MAP2K5: variants seen among roughly 807,000 people sequenced by gnomAD.
MAP2K5 encodes the protein mitogen-activated protein kinase kinase 5.
A neutral mutation model predicts 83.1 loss-of-function variants in MAP2K5; 49 were observed. The observed-to-expected ratio is 0.59, with a 90% CI of 0.47 to 0.75. The LOEUF is 0.75. Among genes scored for constraint, MAP2K5 ranks in the 30% least tolerant of loss-of-function variants. MAP2K5 has a pLI of 0.00. For synonymous variants in MAP2K5, 202 were observed against 191.8 expected, an observed-to-expected ratio of 1.05 and a Z score of -0.44; for missense variants, 457 against 557.5, an observed-to-expected ratio of 0.82 and a Z score of 1.82.
intron 7 of MAP2K5, among the ~76,000 whole-genome samples, chr15:67,600,320 A>G (rs1333618050): frequency 2.6e-5 from 4 of 152,062 alleles, no homozygotes; most frequent in Non-Finnish European, 5.9e-5. Flanking sequence ...TGTCTTCCTA[A>G]GTTTGACTTT....
At position 67,628,045 on chromosome 15, in the gene MAP2K5, A is replaced by C. The variant is rs2086367542; in HGVS notation, c.546-2843A>C. The C allele has an allele frequency of 5.5e-6, 4 of 727,794 alleles. No individual in the cohort carries two copies. In the Admixed American group the frequency reaches 7.1e-5, roughly 13 times the overall value. The allele number at this position is 727,794 out of a possible 1,614,324, so 45.1% of individuals were successfully genotyped here. ...GGGTTTGTCACATATGCCCCTGTGGAGGCAGTGGATGCAGCCATGAATGCA... is the reference window on the plus strand; with the variant it reads ...GGGTTTGTCACATATGCCCCTGTGGCGGCAGTGGATGCAGCCATGAATGCA... On this transcript the variant is annotated intron_variant, in intron 8 of 21. Coordinates refer to ENST00000178640, the MANE Select transcript of MAP2K5 (RefSeq NM_145160.3).
chr15:67,804,656 T>C (rs2090766416), intron 21 of MAP2K5, among the ~76,000 whole-genome samples: 1 of 152,162 alleles, frequency 6.6e-6, no homozygotes, highest in African/African-American at 2.4e-5. Context: ...ATAACAGAGA[T>C]GGAGCATATG....
In MAP2K5 at chr15:67,652,897, G is replaced by A. The variant is rs1405340868; in HGVS notation, c.737-5656G>A. Among the ~76,000 whole-genome samples, 2 of 152,142 alleles carry A rather than the reference G, an allele frequency of 1.3e-5. No individual in the cohort carries two copies. Among genetic ancestry groups the A allele is most frequent in the Non-Finnish European group, 2.9e-5 (2 of 68,034 alleles). Reference sequence around the variant, plus strand: ...GGAATCACACAGTATTTGTCTTATTGTGTCTGGCTTATTTCATTTTGCATT... The same window carrying A: ...GGAATCACACAGTATTTGTCTTATTATGTCTGGCTTATTTCATTTTGCATT... On this transcript the variant is annotated intron_variant, in intron 11 of 21. Coordinates refer to ENST00000178640, the MANE Select transcript of MAP2K5 (RefSeq NM_145160.3). The surrounding 1 kb of genome is among the most constrained non-coding windows in gnomAD (Gnocchi z 4.2).
intron 21 of MAP2K5, among the ~76,000 whole-genome samples, chr15:67,784,129 C>T (rs1189765727): frequency 1.3e-5 from 2 of 152,192 alleles, no homozygotes; most frequent in African/African-American, 4.8e-5. Flanking sequence ...TCTAAGTTAT[C>T]TCATTTGACC....
intron 11 of MAP2K5, among the ~76,000 whole-genome samples, chr15:67,648,158 C>T (rs1596718297): frequency 1.3e-5 from 2 of 152,154 alleles, no homozygotes; most frequent in South Asian, 4.1e-4. Flanking sequence ...GTAGTCATCA[C>T]CACTGTATAA....
At chr15:67,588,144 A>G in intron 6 of MAP2K5, 4 of 981,404 alleles carry the variant, frequency 4.1e-6, no homozygotes, top group Non-Finnish European at 4.8e-6. Flanking sequence ...TGAGCAGTGA[A>G]GAGCCCTTCA....
In MAP2K5 at chr15:67,781,413, G is replaced by A. The variant is rs572860040; in HGVS notation, c.1242+8661G>A. Among the ~76,000 whole-genome samples, 3 of 152,214 alleles carry A rather than the reference G, an allele frequency of 2.0e-5. No individual in the cohort carries two copies. The highest frequency in any genetic ancestry group is 1.9e-4 in the East Asian group (1 of 5,182). ...TGGGGATTGTGAGTCTTGTGGTTTC[G>A]GATACAGAGTTATTTGGGGGGCCAA... On this transcript the variant is annotated intron_variant, in intron 21 of 21. Transcript: ENST00000178640. The surrounding 1 kb of genome is among the most constrained non-coding windows in gnomAD (Gnocchi z 4.0).
Position 67,720,369 on chromosome 15 carries a change from C to G in MAP2K5, c.1045-7547C>G, listed in dbSNP as rs1407946031. 6.6e-6 allele frequency among the ~76,000 whole-genome samples: 1 copy of G among 151,884 alleles called. No homozygotes were observed. Among genetic ancestry groups the G allele is most frequent in the Non-Finnish European group, 1.5e-5 (1 of 67,988 alleles). On this transcript the variant is annotated intron_variant, in intron 16 of 21. Transcript: ENST00000178640. This position sits in a 1 kb window ranked among gnomAD's most constrained non-coding sequence, Gnocchi z 5.7. ...ATATCTATATATATACACACTTACA[C>G]ACACACAAGGAAAAAAAGAAAATGA...
At chr15:67,797,213 G>T (rs552127406) in intron 21 of MAP2K5, among the ~76,000 whole-genome samples, 1 of 152,300 alleles carries the variant, frequency 6.6e-6, no homozygotes, top group Non-Finnish European at 1.5e-5. Context: ...CTTGTTTTTA[G>T]ATCTTAAAAA....
Position 67,637,179 on chromosome 15 carries a change from C to T in MAP2K5, c.585+6252C>T, listed in dbSNP as rs910966429. Among the ~76,000 whole-genome samples, 2 of 152,182 alleles carry T rather than the reference C, an allele frequency of 1.3e-5. No individual in the cohort carries two copies. The highest frequency in any genetic ancestry group is 2.9e-5 in the Non-Finnish European group (2 of 68,034). ...TTTCAGACTTGGACTGGCTTCCTTG[C>T]TCCTCAGCTTGCAGATGGCCTATTG... On this transcript the variant is annotated intron_variant, in intron 9 of 21. Coordinates refer to ENST00000178640, the MANE Select transcript of MAP2K5 (RefSeq NM_145160.3). This position sits in a 1 kb window ranked among gnomAD's most constrained non-coding sequence, Gnocchi z 4.5.
At position 67,748,060 on chromosome 15, in the gene MAP2K5, T is replaced by C. The variant is rs2089642313; in HGVS notation, c.1075-171T>C. On this transcript the variant is annotated intron_variant, in intron 17 of 21. Coordinates refer to ENST00000178640, the MANE Select transcript of MAP2K5 (RefSeq NM_145160.3). This position sits in a 1 kb window ranked among gnomAD's most constrained non-coding sequence, Gnocchi z 4.0. ...AATTAACATTCTGCTGACTTTCGCC[T>C]ATAAATGAGAAGCGAGCTATTAACA... is the stretch of plus-strand genomic sequence containing the variant. 6.6e-6 allele frequency among the ~76,000 whole-genome samples: 1 copy of C among 152,218 alleles called. No homozygotes were observed. Among genetic ancestry groups the C allele is most frequent in the South Asian group, 2.1e-4 (1 of 4,834 alleles).
intron 8 of MAP2K5, chr15:67,628,098 G>C: frequency 1.3e-6 from 1 of 765,858 alleles, no homozygotes; most frequent in South Asian, 1.3e-5. Context: ...CGGAAGAGCT[G>C]TGGGAACAAA....
At chr15:67,643,473 G>A (rs1430920832) in intron 9 of MAP2K5, among the ~76,000 whole-genome samples, 1 of 152,040 alleles carries the variant, frequency 6.6e-6, no homozygotes, top group Non-Finnish European at 1.5e-5. Flanking sequence ...TTGAGACAGA[G>A]TCTCGCTCTG....
intron 3 of MAP2K5, among the ~76,000 whole-genome samples, chr15:67,579,493 T>C (rs558877092): frequency 1.3e-5 from 2 of 152,314 alleles, no homozygotes; most frequent in African/African-American, 4.8e-5. Flanking sequence ...GCCGTATGTA[T>C]ATAAGTTTTT....
In MAP2K5 at chr15:67,794,266, T is replaced by G. The variant is rs2090567284; in HGVS notation, c.1243-12380T>G. Among the ~76,000 whole-genome samples the G allele has an allele frequency of 6.6e-6, 1 of 152,222 alleles. No homozygotes were observed. Among genetic ancestry groups the G allele is most frequent in the South Asian group, 2.1e-4 (1 of 4,836 alleles). Reference sequence around the variant, plus strand: ...AAACCACAGTAAATCAATAACAGAATAGTTAAATACCACAGGTTCTTTGTG... The same window carrying G: ...AAACCACAGTAAATCAATAACAGAAGAGTTAAATACCACAGGTTCTTTGTG... On this transcript the variant is annotated intron_variant, in intron 21 of 21. Coordinates refer to ENST00000178640, the MANE Select transcript of MAP2K5 (RefSeq NM_145160.3). This position sits in a 1 kb window ranked among gnomAD's most constrained non-coding sequence, Gnocchi z 4.6.
At chr15:67,740,829 A>G (rs1419532123) in intron 17 of MAP2K5, among the ~76,000 whole-genome samples, 1 of 152,066 alleles carries the variant, frequency 6.6e-6, no homozygotes, top group Non-Finnish European at 1.5e-5. Flanking sequence ...AGAGTTCAAG[A>G]CCAGCCTGGC....
chr15:67,800,039 C>T (rs1263814709), intron 21 of MAP2K5, among the ~76,000 whole-genome samples: 2 of 152,146 alleles, frequency 1.3e-5, no homozygotes, highest in Non-Finnish European at 2.9e-5. Flanking sequence ...GTTGATTAGC[C>T]TGGCCACGCC....
intron 8 of MAP2K5, among the ~76,000 whole-genome samples, chr15:67,610,608 GT>G (rs997794550): frequency 1.3e-5 from 2 of 151,292 alleles, no homozygotes; most frequent in Admixed American, 6.6e-5. Context: ...TTCTGCCACA[GT>G]TTTTTTTTCT....
At chr15:67,548,233 C>G (rs2084436423) in intron 1 of MAP2K5, among the ~76,000 whole-genome samples, 1 of 152,180 alleles carries the variant, frequency 6.6e-6, no homozygotes, top group Non-Finnish European at 1.5e-5. Flanking sequence ...TCGGAGTTTC[C>G]TGGAAATAAC....
Sources: gnomAD v4.1 joint callset for allele counts (sites outside exome capture counted in the v4.1 genomes callset) on GRCh38, gnomAD v4.1.1 for gene constraint, Gnocchi (gnomAD v3.1) non-coding constraint, MANE v1.5 for transcripts, NCBI Gene and HGNC (gene_info 2026-07-23, HGNC 2026-07-21) for gene names.